The following NBEA variants were observed in gnomAD, a reference collection of about 807,000 sequenced individuals.
The protein encoded by NBEA is lysosomal-trafficking regulator 2.
A neutral mutation model predicts 343.4 loss-of-function variants in NBEA; 44 were observed. The ratio of observed to expected loss-of-function variants is 0.13; its 90% confidence interval spans 0.10 to 0.16. The LOEUF is 0.16. Ranked by LOEUF, NBEA falls within the 10% of genes least tolerant of loss-of-function variation. The pLI, the probability that NBEA is intolerant of heterozygous loss-of-function variation, is 1.00. For synonymous variants in NBEA, 1,175 were observed against 1,238.7 expected, an observed-to-expected ratio of 0.95 and a Z score of 1.08; for missense variants, 2,555 against 3,631.3, an observed-to-expected ratio of 0.70 and a Z score of 7.62.
chr13:35,295,061 AAAAATT>A (rs2036035848), intron 35 of NBEA, among the ~76,000 whole-genome samples: 1 of 149,764 alleles, frequency 6.7e-6, no homozygotes, highest in African/African-American at 2.4e-5. Flanking sequence ...ACTAAAAAAA[AAAAATT>A]AAAAAAAATA....
intron 41 of NBEA, 94 bp downstream of exon 41, chr13:35,472,630 G>T (rs1225097160): frequency 1.6e-6 from 2 of 1,246,902 alleles, no homozygotes; most frequent in Admixed American, 3.6e-5. Flanking sequence ...TGGAGGAGGG[G>T]AGCACATTCT....
At position 35,555,110 on chromosome 13, in the gene NBEA, G is replaced by A; in HGVS notation, c.6922+8G>A. On this transcript the variant is annotated splice_region_variant and intron_variant, in intron 44 of 58. Transcript: ENST00000379939. ...TCCTTAATACTATTGCAGGTAAGATGTCTCATTCTTTAATCTAATAATATG... is the reference window on the plus strand; with the variant it reads ...TCCTTAATACTATTGCAGGTAAGATATCTCATTCTTTAATCTAATAATATG... 2 of 1,434,392 alleles carry A rather than the reference G, an allele frequency of 1.4e-6. No homozygotes were observed. The highest frequency in any genetic ancestry group is 1.2e-5 in the South Asian group (1 of 84,726). The allele number at this position is 1,434,392 out of a possible 1,614,324, so 88.9% of individuals were successfully genotyped here.
chr13:35,403,990 A>G (rs1039689729), intron 38 of NBEA, among the ~76,000 whole-genome samples: 1 of 149,500 alleles, frequency 6.7e-6, no homozygotes. Context: ...AGCCAAAAAC[A>G]CATGAAAAAA....
intron 49 of NBEA, 61 bp downstream of exon 49, chr13:35,628,309 C>A: frequency 8.5e-7 from 1 of 1,176,650 alleles, no homozygotes; most frequent in Non-Finnish European, 1.2e-6. Flanking sequence ...ACAAATTTGA[C>A]ATTTCATCTC....
rs1310255339 is a variant in NBEA at position 35,670,944 on chromosome 13, A to G, written c.8857A>G (p.Asn2953Asp). ...GMASGSIVAF[N>D]IDFNRWHYEH... ...GGCTTCTGGTAGCATTGTAGCTTTT[A>G]ATATAGATTTTAATCGGTGGCATTA... is the stretch of plus-strand genomic sequence containing the variant. The change falls in exon 59 of 59, where the codon AAT becomes GAT. Residue 2953 changes from asparagine (N) to aspartate (D), a missense_variant. Physicochemically the swap from Asn to Asp is conservative, Grantham distance 23 (BLOSUM62 1). Around this residue, in one of 21 missense-constraint regions of NBEA, gnomAD observed 186 missense variants for 328.9 expected, o/e 0.57. Transcript: ENST00000379939. The G allele has an allele frequency of 1.3e-6, 2 of 1,595,202 alleles. No homozygotes were observed. Among genetic ancestry groups the G allele is most frequent in the Non-Finnish European group, 1.7e-6 (2 of 1,169,968 alleles).
chr13:35,464,250 A>G (rs985288211), intron 40 of NBEA, among the ~76,000 whole-genome samples: 1 of 152,212 alleles, frequency 6.6e-6, no homozygotes, highest in Admixed American at 6.5e-5. Flanking sequence ...AAAGTCTGAC[A>G]TTCAAGTATA....
chr13:35,330,592 AT>A (rs2038866609), intron 36 of NBEA, among the ~76,000 whole-genome samples: 1 of 151,958 alleles, frequency 6.6e-6, no homozygotes, highest in Non-Finnish European at 1.5e-5. Flanking sequence ...CTCCAGAATT[AT>A]TATTTTGGTT....
intron 35 of NBEA, among the ~76,000 whole-genome samples, chr13:35,295,129 T>G (rs895451029): frequency 6.8e-6 from 1 of 148,034 alleles, no homozygotes; most frequent in African/African-American, 2.5e-5. Flanking sequence ...AATATATAAA[T>G]ATAATATTTA....
chr13:35,529,064 T>A (rs2078126178), intron 41 of NBEA, among the ~76,000 whole-genome samples: 1 of 152,164 alleles, frequency 6.6e-6, no homozygotes, highest in Admixed American at 6.5e-5. Context: ...AACATGTACT[T>A]ACTATGTTCT....
At chr13:35,093,568 G>A (rs1481763412) in intron 10 of NBEA, among the ~76,000 whole-genome samples, 1 of 151,972 alleles carries the variant, frequency 6.6e-6, no homozygotes, top group Non-Finnish European at 1.5e-5. Context: ...ATAAAGGACT[G>A]GGCATTTGGC....
intron 28 of NBEA, among the ~76,000 whole-genome samples, chr13:35,179,406 A>C (rs934019694): frequency 6.6e-6 from 1 of 151,570 alleles, no homozygotes; most frequent in Non-Finnish European, 1.5e-5. Context: ...AAAATACCTG[A>C]GCAAGTCAAT....
intron 1 of NBEA, among the ~76,000 whole-genome samples, chr13:34,961,350 T>C (rs1255568291): frequency 6.6e-6 from 1 of 152,060 alleles, no homozygotes; most frequent in African/African-American, 2.4e-5. Context: ...ATGTTTAACA[T>C]ACACTCATAA....
intron 26 of NBEA, 35 bp from the exon 27 acceptor site, chr13:35,173,429 T>G (rs1452292782): frequency 6.6e-7 from 1 of 1,506,682 alleles, no homozygotes; most frequent in Non-Finnish European, 8.9e-7. Context: ...AGTCAACAAT[T>G]TATATTAACA....
At chr13:35,329,818 C>CTCAATAAACCAGACT (rs57906304) in intron 36 of NBEA, among the ~76,000 whole-genome samples, 146,269 of 151,700 alleles carry the variant, frequency 0.96, 70,435 homozygotes, top group East Asian at 1. Context: ...TAAATTGTGT[C>CTCAATAAACCAGACT]TTAAAAAAAC....
intron 41 of NBEA, among the ~76,000 whole-genome samples, chr13:35,497,713 T>C (rs908347724): frequency 4.6e-5 from 7 of 152,036 alleles, no homozygotes; most frequent in Admixed American, 1.3e-4. Context: ...CTTTTAATGA[T>C]AGGCAAATGA....
At chr13:35,539,986 A>T (rs977892656) in intron 41 of NBEA, among the ~76,000 whole-genome samples, 4 of 150,060 alleles carry the variant, frequency 2.7e-5, no homozygotes, top group Non-Finnish European at 5.9e-5. Flanking sequence ...TCAGGTTAAC[A>T]TAAAGAAATG....
At chr13:35,488,281 AG>A (rs1311916195) in intron 41 of NBEA, among the ~76,000 whole-genome samples, 3 of 151,946 alleles carry the variant, frequency 2.0e-5, no homozygotes, top group African/African-American at 7.2e-5. Flanking sequence ...TGTAGAAGGA[AG>A]CTAATCCACT....
chr13:35,343,634 C>T (rs2039712558), intron 36 of NBEA, among the ~76,000 whole-genome samples: 1 of 152,048 alleles, frequency 6.6e-6, no homozygotes, highest in African/African-American at 2.4e-5. Context: ...GCTGGCATCA[C>T]CGCCTGAGCT....
chr13:35,550,625 G>C (rs756646595), intron 42 of NBEA, 31 bp downstream of exon 42: 1 of 1,368,526 alleles, frequency 7.3e-7, no homozygotes, highest in Non-Finnish European at 1.0e-6. Flanking sequence ...GAAAGAAAAT[G>C]TGCTCATATT....
Sources: gnomAD v4.1 joint callset for allele counts (sites outside exome capture counted in the v4.1 genomes callset) on GRCh38, gnomAD v4.1.1 for gene constraint, gnomAD v4.1.1 regional missense constraint, MANE v1.5 for transcripts, NCBI Gene and HGNC (gene_info 2026-07-23, HGNC 2026-07-21) for gene names.